TRAPPC9: variants seen among roughly 807,000 people sequenced by gnomAD.
TRAPPC9 encodes the protein IKK2 binding protein.
In TRAPPC9, 83 loss-of-function variants were observed where a neutral mutation model predicts 124.0. That is an observed-to-expected ratio of 0.67 (90% CI 0.56 to 0.80). TRAPPC9 has a LOEUF of 0.80. TRAPPC9 is among the 30% of genes least tolerant of loss of function. The pLI is 0.00. For synonymous variants in TRAPPC9, 638 were observed against 617.5 expected, an observed-to-expected ratio of 1.03 and a Z score of -0.49; for missense variants, 1,302 against 1,508.3, an observed-to-expected ratio of 0.86 and a Z score of 2.27.
intron 19 of TRAPPC9, among the ~76,000 whole-genome samples, chr8:139,949,115 CAG>C (rs1208238928): frequency 4.6e-5 from 7 of 151,852 alleles, no homozygotes; most frequent in Non-Finnish European, 1.0e-4. Flanking sequence ...CTAATTAAAA[CAG>C]AAATTTCTGT....
At chr8:140,114,953 G>A (rs1463819138) in intron 17 of TRAPPC9, among the ~76,000 whole-genome samples, 3 of 152,204 alleles carry the variant, frequency 2.0e-5, no homozygotes, top group Non-Finnish European at 2.9e-5. Context: ...AGCTGGGTCT[G>A]TGCTAGACCA....
intron 17 of TRAPPC9, among the ~76,000 whole-genome samples, chr8:140,175,404 G>A (rs1042858806): frequency 6.6e-6 from 1 of 151,770 alleles, no homozygotes; most frequent in Non-Finnish European, 1.5e-5. Flanking sequence ...CCTTTATTAC[G>A]CAATTAAGCA....
intron 15 of TRAPPC9, among the ~76,000 whole-genome samples, chr8:140,256,514 C>A (rs2064264399): frequency 6.6e-6 from 1 of 151,580 alleles, no homozygotes; most frequent in Non-Finnish European, 1.5e-5. Context: ...CTCGATGTGA[C>A]CTCCTCCACG....
chr8:140,047,523 A>C (rs774165471), intron 17 of TRAPPC9, among the ~76,000 whole-genome samples: 3 of 152,170 alleles, frequency 2.0e-5, no homozygotes, highest in Non-Finnish European at 4.4e-5. Flanking sequence ...CTGCCTCGGG[A>C]TATAGGGAAG....
At chr8:139,981,492 C>T (rs1836895048) in intron 19 of TRAPPC9, among the ~76,000 whole-genome samples, 1 of 152,190 alleles carries the variant, frequency 6.6e-6, no homozygotes, top group Admixed American at 6.5e-5. Context: ...GCAATGCCAA[C>T]ACAGTATAAA....
intron 21 of TRAPPC9, 41 bp from the exon 22 acceptor site, chr8:139,732,243 C>A: frequency 6.6e-7 from 1 of 1,505,726 alleles, no homozygotes; most frequent in Non-Finnish European, 8.9e-7. Context: ...GGCTGGCCTG[C>A]ACGGCCCAGC....
At chr8:139,971,756 C>CACACACACAT (rs1434712529) in intron 19 of TRAPPC9, among the ~76,000 whole-genome samples, 3 of 146,802 alleles carry the variant, frequency 2.0e-5, no homozygotes, top group African/African-American at 5.1e-5. Flanking sequence ...TATACACACA[C>CACACACACAT]ACACACACAT....
chr8:139,897,536 G>A (rs987615761), intron 20 of TRAPPC9, among the ~76,000 whole-genome samples: 2 of 152,346 alleles, frequency 1.3e-5, no homozygotes, highest in East Asian at 1.9e-4. Flanking sequence ...CCGCCACATG[G>A]TAGAGGCTCC....
intron 19 of TRAPPC9, among the ~76,000 whole-genome samples, chr8:139,937,558 G>C (rs1418853523): frequency 6.6e-6 from 1 of 152,096 alleles, no homozygotes; most frequent in Non-Finnish European, 1.5e-5. Context: ...GCCGGTGCTG[G>C]GGCCAGTGGG....
intron 16 of TRAPPC9, among the ~76,000 whole-genome samples, chr8:140,226,897 T>C (rs1046032069): frequency 2.6e-5 from 4 of 151,952 alleles, no homozygotes; most frequent in African/African-American, 4.8e-5. Context: ...ATTTGCCTCC[T>C]TTTTGGACAC....
In TRAPPC9 at chr8:139,776,191, G is replaced by C. The variant is rs925297689; in HGVS notation, c.3056-43989C>G. Among the ~76,000 whole-genome samples the C allele has an allele frequency of 3.9e-5, 6 of 152,256 alleles. No individual in the cohort carries two copies. The highest frequency in any genetic ancestry group is 3.9e-4 in the Admixed American group (6 of 15,288). The stretch of plus-strand genomic sequence containing the variant: ...CCCAGCCTCAGTCTCTGGGCTCCCC[G>C]ACAGGGTTCCTTCCATCCTGCAGGC... On this transcript the variant is annotated intron_variant, in intron 21 of 22. Coordinates refer to ENST00000438773, the MANE Select transcript of TRAPPC9 (RefSeq NM_001160372.4). This position sits in a 1 kb window ranked among gnomAD's most constrained non-coding sequence, Gnocchi z 4.1.
intron 8 of TRAPPC9, among the ~76,000 whole-genome samples, chr8:140,366,431 G>C (rs1338163004): frequency 2.6e-5 from 4 of 152,158 alleles, no homozygotes; most frequent in African/African-American, 9.7e-5. Flanking sequence ...CCTAAGTATA[G>C]TCAACTGGTC....
At chr8:139,848,784 C>T (rs555005071) in intron 21 of TRAPPC9, among the ~76,000 whole-genome samples, 10 of 152,314 alleles carry the variant, frequency 6.6e-5, no homozygotes, top group African/African-American at 2.2e-4. Context: ...TTCTCTTCCC[C>T]GTAGGCAGCC....
intron 21 of TRAPPC9, among the ~76,000 whole-genome samples, chr8:139,751,772 G>A (rs1819324487): frequency 7.0e-6 from 1 of 143,132 alleles, no homozygotes; most frequent in South Asian, 2.3e-4. Flanking sequence ...GACAAGAGAT[G>A]CCCTCAGGCT....
intron 9 of TRAPPC9, among the ~76,000 whole-genome samples, chr8:140,344,450 CCT>C (rs766109743): frequency 2.6e-5 from 4 of 152,268 alleles, no homozygotes; most frequent in East Asian, 1.9e-4. Context: ...TTGCTGAGCC[CCT>C]GTCACACAGT....
intron 5 of TRAPPC9, among the ~76,000 whole-genome samples, chr8:140,425,413 T>C (rs2132546765): frequency 6.6e-6 from 1 of 152,312 alleles, no homozygotes; most frequent in Non-Finnish European, 1.5e-5. Context: ...TGATGCACCC[T>C]TGAATAACAA....
At chr8:139,874,594 C>T (rs896167151) in intron 21 of TRAPPC9, among the ~76,000 whole-genome samples, 4 of 152,208 alleles carry the variant, frequency 2.6e-5, no homozygotes, top group African/African-American at 4.8e-5. Context: ...TGGGAGGCAG[C>T]AGGTATGAAG....
intron 17 of TRAPPC9, among the ~76,000 whole-genome samples, chr8:140,115,270 G>GTT (rs35832271): frequency 6.3e-5 from 9 of 142,560 alleles, no homozygotes; most frequent in East Asian, 2.0e-4. Flanking sequence ...TGTTATAATG[G>GTT]TTTTTTTTTT....
intron 21 of TRAPPC9, among the ~76,000 whole-genome samples, chr8:139,793,072 C>T (rs950558964): frequency 5.3e-5 from 8 of 152,160 alleles, no homozygotes; most frequent in Non-Finnish European, 7.3e-5. Flanking sequence ...CAAGGCGGCC[C>T]AGCTGCCAGG....
Sources: gnomAD v4.1 joint callset for allele counts (sites outside exome capture counted in the v4.1 genomes callset) on GRCh38, gnomAD v4.1.1 for gene constraint, Gnocchi (gnomAD v3.1) non-coding constraint, MANE v1.5 for transcripts, NCBI Gene and HGNC (gene_info 2026-07-23, HGNC 2026-07-21) for gene names.